Variants in NWD2 observed in about 807,000 individuals in gnomAD.
NWD2 encodes the protein NACHT and WD repeat domain-containing protein 2.
NWD2 carries 37 observed loss-of-function variants against 132.7 expected under a neutral mutation model. That is an observed-to-expected ratio of 0.28 (90% CI 0.21 to 0.37). The LOEUF (loss-of-function observed/expected upper bound fraction) is 0.37, where lower values mean the gene tolerates loss of function less well. Ranked by LOEUF, NWD2 falls within the 10% of genes least tolerant of loss-of-function variation. The probability of loss-of-function intolerance (pLI) is 1.00; values close to 1 mark genes in which losing one functional copy is unlikely to be tolerated. For missense variants in NWD2, 1,592 were observed against 2,122.4 expected, an observed-to-expected ratio of 0.75 and a Z score of 4.91; for synonymous variants, 705 against 803.0, an observed-to-expected ratio of 0.88 and a Z score of 2.06.
intron 3 of NWD2, among the ~76,000 whole-genome samples, chr4:37,357,948 TCAGGAAA>T (rs1719903603): frequency 6.6e-6 from 1 of 152,056 alleles, no homozygotes; most frequent in African/African-American, 2.4e-5. Context: ...GTTGGCATGT[TCAGGAAA>T]CAGCAAGCAG....
Position 37,439,712 on chromosome 4 carries a change from G to A in NWD2, c.1296+322G>A, listed in dbSNP as rs569236297. On this transcript the variant is annotated intron_variant, in intron 6 of 6. Coordinates refer to ENST00000309447, the MANE Select transcript of NWD2 (RefSeq NM_001144990.2). This position sits in a 1 kb window ranked among gnomAD's most constrained non-coding sequence, Gnocchi z 4.5. ...ACTGTTCTCATTCCTTTCAGACAAG[G>A]ACAAGCCCTCTGGTCACTCCAGTCT... 3.0e-4 allele frequency among the ~76,000 whole-genome samples: 46 copies of A among 152,280 alleles called. No individual in the cohort carries two copies. In the South Asian group the frequency reaches 9.3e-3, roughly 31 times the overall value.
intron 3 of NWD2, among the ~76,000 whole-genome samples, chr4:37,429,996 T>C (rs953751696): frequency 3.3e-5 from 5 of 152,246 alleles, no homozygotes; most frequent in African/African-American, 1.2e-4. Flanking sequence ...TATTTGTTCA[T>C]TGTTTTTCTG....
chr4:37,303,731 A>G (rs1269959628), intron 1 of NWD2, among the ~76,000 whole-genome samples: 1 of 152,036 alleles, frequency 6.6e-6, no homozygotes, highest in African/African-American at 2.4e-5. Context: ...TTTTTCAGCT[A>G]GTTCGTTTTG....
intron 3 of NWD2, among the ~76,000 whole-genome samples, chr4:37,414,409 G>T (rs1721223217): frequency 6.6e-6 from 1 of 150,510 alleles, no homozygotes; most frequent in Non-Finnish European, 1.5e-5. Flanking sequence ...ACCTTATAGA[G>T]AAGTACACCC....
chr4:37,293,520 A>T (rs1398262156), intron 1 of NWD2, among the ~76,000 whole-genome samples: 1 of 152,242 alleles, frequency 6.6e-6, no homozygotes, highest in East Asian at 1.9e-4. Context: ...CCATTGATAA[A>T]TATCAACTAT....
chr4:37,312,982 T>G (rs1718880880), intron 1 of NWD2, among the ~76,000 whole-genome samples: 1 of 151,138 alleles, frequency 6.6e-6, no homozygotes, highest in African/African-American at 2.5e-5. Context: ...TGAAGCCCAC[T>G]TGATCATGGT....
At chr4:37,322,937 C>T (rs894704343) in intron 1 of NWD2, among the ~76,000 whole-genome samples, 1 of 152,114 alleles carries the variant, frequency 6.6e-6, no homozygotes, top group African/African-American at 2.4e-5. Context: ...TTTATTCCAT[C>T]GGTCATTGCA....
chr4:37,429,263 G>A (rs1337937391), intron 3 of NWD2, among the ~76,000 whole-genome samples: 2 of 152,010 alleles, frequency 1.3e-5, no homozygotes, highest in African/African-American at 4.8e-5. Flanking sequence ...TCTAACATAT[G>A]TACGTAATAT....
Position 37,431,572 on chromosome 4 carries a change from A to G in NWD2, c.561+797A>G, listed in dbSNP as rs189395858. Among the ~76,000 whole-genome samples the G allele has an allele frequency of 2.7e-4, 41 of 152,306 alleles. No individual in the cohort carries two copies. In the East Asian group the frequency reaches 7.7e-3, roughly 29 times the overall value. ...AAGGTCACAAACTTTCATGGTGTCT[A>G]TAGTTAATTATAAACCTGAAATTGG... On this transcript the variant is annotated intron_variant, in intron 4 of 6. Coordinates refer to ENST00000309447, the MANE Select transcript of NWD2 (RefSeq NM_001144990.2).
chr4:37,446,400 A>G lies in NWD2; in HGVS notation c.4412A>G (p.Lys1471Arg). The G allele has an allele frequency of 2.6e-6, 4 of 1,551,824 alleles. No homozygotes were observed. Among genetic ancestry groups the G allele is most frequent in the Non-Finnish European group, 3.5e-6 (4 of 1,147,016 alleles). Reference protein sequence around the residue: ...AVSLWTGSITKKFCCEDGTTI... With the variant: ...AVSLWTGSITRKFCCEDGTTI... The stretch of plus-strand genomic sequence containing the variant: ...AGTCTTTGGACAGGAAGTATCACCA[A>G]GAAATTTTGCTGTGAAGATGGGACC... The change falls in exon 7 of 7, where the codon AAG (lysine) becomes AGG (arginine). Residue 1471 changes from lysine (K) to arginine (R), a missense_variant. By Grantham distance (26) the Lys-to-Arg change is conservative. Transcript: ENST00000309447. This position sits in a 1 kb window ranked among gnomAD's most constrained non-coding sequence, Gnocchi z 6.7.
chr4:37,418,418 A>C (rs1210791047), intron 3 of NWD2, among the ~76,000 whole-genome samples: 5 of 152,122 alleles, frequency 3.3e-5, no homozygotes, highest in Non-Finnish European at 7.4e-5. Flanking sequence ...AGAGGGGGGC[A>C]TAACTCTCAC....
chr4:37,291,565 A>G (rs1021493711), intron 1 of NWD2, among the ~76,000 whole-genome samples: 7 of 152,200 alleles, frequency 4.6e-5, no homozygotes, highest in African/African-American at 1.7e-4. Flanking sequence ...CAATATTGAT[A>G]CTTTGGGAAA....
At chr4:37,255,871 G>A (rs1717508822) in intron 1 of NWD2, among the ~76,000 whole-genome samples, 1 of 152,158 alleles carries the variant, frequency 6.6e-6, no homozygotes, top group Non-Finnish European at 1.5e-5. Context: ...AGTGGGACCA[G>A]CCACCACTAC....
At chr4:37,248,703 C>A (rs1031881122) in intron 1 of NWD2, among the ~76,000 whole-genome samples, 1 of 152,218 alleles carries the variant, frequency 6.6e-6, no homozygotes, top group Non-Finnish European at 1.5e-5. Context: ...CTGCGAGATT[C>A]TCTCCCTGTT....
chr4:37,288,958 G>GACTATA (rs71185127), intron 1 of NWD2, among the ~76,000 whole-genome samples: 25,647 of 151,808 alleles, frequency 0.17, 2,311 homozygotes, highest in African/African-American at 0.23. Context: ...GCCTATAACT[G>GACTATA]ACTATAAAAT....
intron 5 of NWD2, among the ~76,000 whole-genome samples, chr4:37,436,896 C>T (rs1428940339): frequency 6.6e-6 from 1 of 152,116 alleles, no homozygotes; most frequent in African/African-American, 2.4e-5. Flanking sequence ...TAACTGGCTT[C>T]CTTAACCAGC....
intron 2 of NWD2, among the ~76,000 whole-genome samples, chr4:37,344,169 A>G (rs1036986253): frequency 7.2e-5 from 11 of 152,186 alleles, no homozygotes; most frequent in Non-Finnish European, 1.3e-4. Context: ...TTAATTTTTT[A>G]AAGTATGTAA....
In NWD2 at chr4:37,445,150, T is replaced by A; in HGVS notation, c.3162T>A (p.His1054Gln). 1.3e-6 allele frequency: 2 copies of A among 1,552,100 alleles called. No homozygotes were observed. The highest frequency in any genetic ancestry group is 1.7e-6 in the Non-Finnish European group (2 of 1,147,090). The change falls in exon 7 of 7, where the codon CAT becomes CAA. Residue 1054 changes from histidine (H) to glutamine (Q), a missense_variant. Physicochemically the swap from His to Gln is conservative, Grantham distance 24 (BLOSUM62 0). Coordinates refer to ENST00000309447, the MANE Select transcript of NWD2 (RefSeq NM_001144990.2). The surrounding 1 kb of genome is among the most constrained non-coding windows in gnomAD (Gnocchi z 4.7). Reference protein sequence around the residue: ...LSEVEIKGTKHGSSATYINGF... With the variant: ...LSEVEIKGTKQGSSATYINGF... ...AAGTAGAAATCAAGGGGACCAAGCA[T>A]GGAAGCAGCGCCACCTACATCAATG...
intron 2 of NWD2, among the ~76,000 whole-genome samples, chr4:37,336,723 G>A (rs903802063): frequency 1.3e-4 from 20 of 152,040 alleles, no homozygotes; most frequent in Admixed American, 8.5e-4. Context: ...GGTGGATCAC[G>A]AGGTCAGAAG....
Sources: gnomAD v4.1 joint callset for allele counts (sites outside exome capture counted in the v4.1 genomes callset) on GRCh38, gnomAD v4.1.1 for gene constraint, Gnocchi (gnomAD v3.1) non-coding constraint, MANE v1.5 for transcripts, NCBI Gene and HGNC (gene_info 2026-07-23, HGNC 2026-07-21) for gene names.